The following ZNF652 variants were observed in gnomAD, a reference collection of about 807,000 sequenced individuals.
The protein encoded by ZNF652 is zinc finger protein 652.
ZNF652 carries 16 observed loss-of-function variants against 45.2 expected under a neutral mutation model. The observed-to-expected ratio is 0.35, with a 90% CI of 0.24 to 0.54. The LOEUF is 0.54. ZNF652 is among the 20% of genes least tolerant of loss of function. ZNF652 has a pLI of 0.91. For missense variants in ZNF652, 614 were observed against 765.6 expected, an observed-to-expected ratio of 0.80 and a Z score of 2.34; for synonymous variants, 250 against 260.6, an observed-to-expected ratio of 0.96 and a Z score of 0.39.
intron 1 of ZNF652, among the ~76,000 whole-genome samples, chr17:49,322,926 T>C (rs1236122764): frequency 6.6e-6 from 1 of 152,196 alleles, no homozygotes; most frequent in Non-Finnish European, 1.5e-5. Flanking sequence ...AGCGATTATC[T>C]GATCCTTCAG....
At chr17:49,314,709 G>C (rs1160504356) in intron 2 of ZNF652, among the ~76,000 whole-genome samples, 1 of 151,952 alleles carries the variant, frequency 6.6e-6, no homozygotes, top group Non-Finnish European at 1.5e-5. Flanking sequence ...TTAGACCCTT[G>C]GATACTTAAG....
At chr17:49,323,881 T>C (rs1411918984) in intron 1 of ZNF652, among the ~76,000 whole-genome samples, 2 of 152,228 alleles carry the variant, frequency 1.3e-5, no homozygotes, top group Non-Finnish European at 2.9e-5. Flanking sequence ...TGTTGTTTCA[T>C]TTCTAGCACA....
chr17:49,311,938 AG>A lies in ZNF652; in HGVS notation c.1152del (p.Phe385LeufsTer20). 1 of 1,612,856 alleles carries A rather than the reference AG, an allele frequency of 6.2e-7. No homozygotes were observed. The highest frequency in any genetic ancestry group is 8.5e-7 in the Non-Finnish European group (1 of 1,179,112). ...AGCACATTCCTTACCTCGCATCTAA[AG>A]GGCTTCTCTCCAGAATGCTGCAAGG... ...VHSLQHSGEK[P>X]FRCENCDERF... On this transcript the variant is annotated frameshift_variant, in exon 4 of 6. Transcript: ENST00000430262. LOFTEE classifies it high-confidence loss of function.
chr17:49,340,012 G>A (rs909697527), intron 1 of ZNF652, among the ~76,000 whole-genome samples: 13 of 152,110 alleles, frequency 8.5e-5, no homozygotes, highest in African/African-American at 2.4e-4. Flanking sequence ...GATTACAGGC[G>A]TGAGCCACCA....
At chr17:49,337,141 C>A (rs1272276872) in intron 1 of ZNF652, among the ~76,000 whole-genome samples, 1 of 151,230 alleles carries the variant, frequency 6.6e-6, no homozygotes, top group Non-Finnish European at 1.5e-5. Context: ...TGAGATCAGC[C>A]TGGGCAACAT....
chr17:49,295,334 G>C lies in ZNF652; in HGVS notation c.*3079C>G, dbSNP rs1332819955. 1.3e-5 allele frequency: 2 copies of C among 150,900 alleles called. No homozygotes were observed. The highest frequency in any genetic ancestry group is 6.6e-5 in the Admixed American group (1 of 15,156). The allele number at this position is 150,900 out of a possible 1,614,324, so 9.3% of individuals were successfully genotyped here. ...GTCAAGGAAAGTATCCTTAATCTAG[G>C]GGAAAAAAAGGAAGTTTCTAAATTG... On this transcript the variant is annotated 3_prime_UTR_variant, in exon 6 of 6. Transcript: ENST00000430262.
At chr17:49,326,780 T>C (rs1290600454) in intron 1 of ZNF652, among the ~76,000 whole-genome samples, 1 of 152,216 alleles carries the variant, frequency 6.6e-6, no homozygotes. Context: ...TTCACTATTG[T>C]AATGTATACT....
At chr17:49,353,269 C>T (rs557966600) in intron 1 of ZNF652, among the ~76,000 whole-genome samples, 2 of 152,232 alleles carry the variant, frequency 1.3e-5, no homozygotes, top group South Asian at 2.1e-4. Context: ...GCAGCCTCCA[C>T]GTCCTAGGCT....
chr17:49,295,658 A>T lies in ZNF652; in HGVS notation c.*2755T>A, dbSNP rs1309325445. ...AAATTTATTCAGAACAAAATAAGGC[A>T]GTTGGACGTGGTGGCTCACGCCTGT... On this transcript the variant is annotated 3_prime_UTR_variant, in exon 6 of 6. Transcript: ENST00000430262. The T allele has an allele frequency of 3.9e-5, 6 of 152,434 alleles. No homozygotes were observed. The highest frequency in any genetic ancestry group is 1.4e-4 in the African/African-American group (6 of 41,578). 9.4% of individuals were successfully genotyped at this position (152,434 alleles called of 1,614,324 possible).
chr17:49,339,560 C>CT (rs1333479235), intron 1 of ZNF652, among the ~76,000 whole-genome samples: 1 of 152,124 alleles, frequency 6.6e-6, no homozygotes, highest in Non-Finnish European at 1.5e-5. Flanking sequence ...AATCTGGCCT[C>CT]TATCAATGGG....
chr17:49,333,973 T>TA (rs889002129), intron 1 of ZNF652, among the ~76,000 whole-genome samples: 48 of 147,220 alleles, frequency 3.3e-4, no homozygotes, highest in Middle Eastern at 3.5e-3. Context: ...GGCAGTTCCT[T>TA]AAAAAAAAAA....
intron 2 of ZNF652, among the ~76,000 whole-genome samples, 176 bp downstream of exon 2, chr17:49,316,649 CT>C (rs1349497185): frequency 1.3e-5 from 2 of 152,172 alleles, no homozygotes; most frequent in Non-Finnish European, 2.9e-5. Flanking sequence ...AAATTTAATG[CT>C]TTTGAAATAA....
intron 1 of ZNF652, among the ~76,000 whole-genome samples, chr17:49,327,765 ATATATATATATATATTTTTT>A (rs1188250576): frequency 1.2e-3 from 6 of 4,986 alleles, no homozygotes; most frequent in African/African-American, 5.6e-3. Flanking sequence ...ATATATATAT[ATATATATATATATATTTTTT>A]TTTTTTTTTT....
At position 49,298,375 on chromosome 17, in the gene ZNF652, G is replaced by T. The variant is rs770493577; in HGVS notation, c.*38C>A. 1.2e-6 allele frequency: 2 copies of T among 1,610,166 alleles called. No homozygotes were observed. Among genetic ancestry groups the T allele is most frequent in the Admixed American group, 1.7e-5 (1 of 59,880 alleles). On this transcript the variant is annotated 3_prime_UTR_variant, in exon 6 of 6. Transcript: ENST00000430262. ...TCCCTCTGTGCACGCTCACACATGG[G>T]GACGTGTCTCCTGGAGAACACACTA...
Position 49,289,896 on chromosome 17 carries a change from C to G in ZNF652, c.*8517G>C, listed in dbSNP as rs1459233324. The G allele has an allele frequency of 1.3e-5, 2 of 152,260 alleles. No homozygotes were observed. Among genetic ancestry groups the G allele is most frequent in the Admixed American group, 6.5e-5 (1 of 15,286 alleles). The allele number at this position is 152,260 out of a possible 1,614,324, so 9.4% of individuals were successfully genotyped here. ...AAGCAGCTTCTATTTTGTCAAACTC[C>G]TTTGGACAAATATTCAACATTCAAC... On this transcript the variant is annotated 3_prime_UTR_variant, in exon 6 of 6. Coordinates refer to ENST00000430262, the MANE Select transcript of ZNF652 (RefSeq NM_001145365.3).
chr17:49,354,048 C>T (rs1328553481), intron 1 of ZNF652, among the ~76,000 whole-genome samples: 1 of 152,184 alleles, frequency 6.6e-6, no homozygotes, highest in African/African-American at 2.4e-5. Context: ...TAATACCTGA[C>T]AAATTATAAT....
chr17:49,335,095 C>A (rs2070066356), intron 1 of ZNF652, among the ~76,000 whole-genome samples: 1 of 151,848 alleles, frequency 6.6e-6, no homozygotes, highest in African/African-American at 2.4e-5. Context: ...GACTTGTATG[C>A]TTTAAAATGA....
rs2069443441 is a variant in ZNF652 at position 49,294,352 on chromosome 17, C to G, written c.*4061G>C. Among the ~76,000 whole-genome samples the G allele has an allele frequency of 6.6e-6, 1 of 152,152 alleles. No individual in the cohort carries two copies. Among genetic ancestry groups the G allele is most frequent in the Admixed American group, 6.6e-5 (1 of 15,266 alleles). On this transcript the variant is annotated 3_prime_UTR_variant, in exon 6 of 6. Transcript: ENST00000430262. ...GCCATGCTTAGTCATTAATCTAGAACAGTTAATGTAAATGGTAGACTATGA... is the reference window on the plus strand; with the variant it reads ...GCCATGCTTAGTCATTAATCTAGAAGAGTTAATGTAAATGGTAGACTATGA...
intron 1 of ZNF652, among the ~76,000 whole-genome samples, chr17:49,359,365 G>A (rs2070369684): frequency 6.6e-6 from 1 of 152,156 alleles, no homozygotes; most frequent in South Asian, 2.1e-4. Context: ...TGCATAATTA[G>A]TAGAATAAAT....
Sources: allele counts gnomAD v4.1 joint callset (sites outside exome capture counted in the v4.1 genomes callset), GRCh38; gene constraint gnomAD v4.1.1; transcripts MANE v1.5; gene names NCBI Gene and HGNC (gene_info 2026-07-23, HGNC 2026-07-21).